PRKCB: variants seen among roughly 807,000 people sequenced by gnomAD.
PRKCB encodes the protein protein kinase C beta, also known as protein kinase C beta type.
In PRKCB, 13 loss-of-function variants were observed where a neutral mutation model predicts 81.5. The ratio of observed to expected loss-of-function variants is 0.16; its 90% CI spans 0.10 to 0.25. The LOEUF (loss-of-function observed/expected upper bound fraction) is 0.25. Ranked by LOEUF, PRKCB falls within the 10% of genes least tolerant of loss-of-function variation. The pLI is 1.00. For missense variants in PRKCB, 509 were observed against 875.7 expected, an observed-to-expected ratio of 0.58 and a Z score of 5.29; for synonymous variants, 335 against 321.4, an observed-to-expected ratio of 1.04 and a Z score of -0.45.
chr16:23,836,768 C>CGGGGG (rs71154241), intron 1 of PRKCB, among the ~76,000 whole-genome samples: 3,001 of 141,712 alleles, frequency 0.021, 92 homozygotes, highest in South Asian at 0.053. Flanking sequence ...CCCTTGTTTC[C>CGGGGG]GGGGGGGGCG....
chr16:24,101,073 T>C (rs1966500654), intron 7 of PRKCB, among the ~76,000 whole-genome samples: 1 of 152,174 alleles, frequency 6.6e-6, no homozygotes, highest in Non-Finnish European at 1.5e-5. Context: ...AGGTCTATAA[T>C]AGTGATTTTA....
At chr16:24,107,663 C>T (rs965015924) in intron 7 of PRKCB, among the ~76,000 whole-genome samples, 3 of 152,238 alleles carry the variant, frequency 2.0e-5, no homozygotes, top group African/African-American at 7.2e-5. Context: ...CCTTCACTCA[C>T]TCTGTGGCGT....
chr16:24,169,425 C>G (rs75584432), intron 10 of PRKCB, among the ~76,000 whole-genome samples: 1 of 152,088 alleles, frequency 6.6e-6, no homozygotes, highest in Non-Finnish European at 1.5e-5. Flanking sequence ...TGTTAGCCTA[C>G]GTGACCTTAC....
chr16:23,929,163 A>T (rs1006065539), intron 2 of PRKCB, among the ~76,000 whole-genome samples: 1 of 152,124 alleles, frequency 6.6e-6, no homozygotes, highest in South Asian at 2.1e-4. Flanking sequence ...TTTTCAGGAC[A>T]AATTAGTCCT....
chr16:24,168,714 CTATTTTTTT>C (rs533418617), intron 10 of PRKCB, among the ~76,000 whole-genome samples: 2,604 of 120,822 alleles, frequency 0.022, 39 homozygotes, highest in Admixed American at 0.033. Context: ...CCATGCCTGG[CTATTTTTTT>C]TTTTTTTTTT....
rs182323642 is a variant in PRKCB, at chr16:23,922,015, T to C, written c.206-66493T>C. On this transcript the variant is annotated intron_variant, in intron 2 of 16. Coordinates refer to ENST00000643927, the MANE Select transcript of PRKCB (RefSeq NM_002738.7). ...CAGTAAGAGCAAAGGCTTGAAGGCA[T>C]GGAAGTTCATGGGTAATTACTGACT... Among the ~76,000 whole-genome samples, 25 of 152,232 alleles carry C rather than the reference T, an allele frequency of 1.6e-4. No individual in the cohort carries two copies. In the East Asian group the frequency reaches 1.9e-3, roughly 12 times the overall value.
At chr16:24,082,847 T>C (rs1231611193) in intron 5 of PRKCB, among the ~76,000 whole-genome samples, 1 of 149,116 alleles carries the variant, frequency 6.7e-6, no homozygotes, top group African/African-American at 2.5e-5. Flanking sequence ...AAAAAAAAAG[T>C]GGTAAATTGT....
chr16:24,215,078 T>C lies in PRKCB; in HGVS notation c.*262T>C, dbSNP rs1387215881. ...CTCTTACAATTTATTTTCCGCAGCATGTCAGCTAAGTAGACCCAATGGGGA... is the reference window on the plus strand; with the variant it reads ...CTCTTACAATTTATTTTCCGCAGCACGTCAGCTAAGTAGACCCAATGGGGA... On this transcript the variant is annotated 3_prime_UTR_variant, in exon 17 of 17. Transcript: ENST00000643927. The C allele has an allele frequency of 2.5e-6, 3 of 1,210,212 alleles. No homozygotes were observed. The South Asian group carries it at 6.6e-5, about 27-fold the overall frequency. The allele number at this position is 1,210,212 out of a possible 1,614,324, so 75.0% of individuals were successfully genotyped here.
intron 2 of PRKCB, among the ~76,000 whole-genome samples, chr16:23,949,226 A>G (rs1009057261): frequency 3.3e-5 from 5 of 152,232 alleles, no homozygotes; most frequent in Non-Finnish European, 7.4e-5. Context: ...CAAAAGAAAG[A>G]AAGAACGAAC....
chr16:23,907,190 T>C (rs1230496290), intron 2 of PRKCB, among the ~76,000 whole-genome samples: 3 of 152,202 alleles, frequency 2.0e-5, no homozygotes, highest in Non-Finnish European at 4.4e-5. Context: ...TTTGTAACAA[T>C]CAAAAATGTC....
At chr16:23,931,809 G>A (rs1464003555) in intron 2 of PRKCB, among the ~76,000 whole-genome samples, 1 of 152,180 alleles carries the variant, frequency 6.6e-6, no homozygotes, top group Non-Finnish European at 1.5e-5. Context: ...TGACTTGAAA[G>A]CCTATGCATT....
intron 2 of PRKCB, among the ~76,000 whole-genome samples, chr16:23,964,730 G>A (rs1348128136): frequency 6.7e-6 from 1 of 148,498 alleles, no homozygotes; most frequent in South Asian, 2.1e-4. Context: ...CTGCAGTGTC[G>A]CGATCTCAGC....
chr16:24,155,638 A>G (rs1461375221), intron 10 of PRKCB, among the ~76,000 whole-genome samples: 2 of 152,206 alleles, frequency 1.3e-5, no homozygotes, highest in Admixed American at 6.5e-5. Context: ...GACTCTATCC[A>G]GTTCTCAACT....
At chr16:24,052,057 C>T (rs1433611495) in intron 5 of PRKCB, among the ~76,000 whole-genome samples, 1 of 143,462 alleles carries the variant, frequency 7.0e-6, no homozygotes, top group African/African-American at 2.7e-5. Flanking sequence ...TTGCAGTGAG[C>T]AAGCGAGACT....
At chr16:24,108,283 ATTT>A (rs140308202) in intron 7 of PRKCB, among the ~76,000 whole-genome samples, 2 of 116,306 alleles carry the variant, frequency 1.7e-5, no homozygotes, top group Admixed American at 7.8e-5. Flanking sequence ...TTATTTATTT[ATTT>A]TTTTTATTAT....
chr16:23,927,096 C>G (rs1035628750), intron 2 of PRKCB, among the ~76,000 whole-genome samples: 1 of 152,040 alleles, frequency 6.6e-6, no homozygotes, highest in East Asian at 1.9e-4. Flanking sequence ...GGTGCCTGTA[C>G]GGTGAGATAT....
At chr16:24,148,614 G>A (rs912560106) in intron 9 of PRKCB, among the ~76,000 whole-genome samples, 1 of 152,192 alleles carries the variant, frequency 6.6e-6, no homozygotes, top group African/African-American at 2.4e-5. Flanking sequence ...AAAAGAGCAT[G>A]CATAACCAAA....
chr16:24,071,324 C>T (rs761805580), intron 5 of PRKCB, among the ~76,000 whole-genome samples: 2 of 151,302 alleles, frequency 1.3e-5, no homozygotes, highest in Non-Finnish European at 2.9e-5. Flanking sequence ...CAAAACATGG[C>T]CGGGCACGAT....
chr16:23,931,345 G>T (rs1963971985), intron 2 of PRKCB, among the ~76,000 whole-genome samples: 1 of 152,176 alleles, frequency 6.6e-6, no homozygotes, highest in Admixed American at 6.5e-5. Flanking sequence ...AGACCAGGAG[G>T]CCTCCAGACA....
Sources: allele counts gnomAD v4.1 joint callset (sites outside exome capture counted in the v4.1 genomes callset), GRCh38; gene constraint gnomAD v4.1.1; transcripts MANE v1.5; gene names NCBI Gene and HGNC (gene_info 2026-07-23, HGNC 2026-07-21).